The following JPH1 variants were observed in gnomAD, a reference collection of about 807,000 sequenced individuals.
JPH1 encodes junctophilin 1.
Under a neutral mutation model 53.6 loss-of-function variants are expected in JPH1, and 12 were observed. The observed-to-expected ratio is 0.22, with a 90% CI of 0.14 to 0.36. The LOEUF (loss-of-function observed/expected upper bound fraction) is 0.36, where lower values mean the gene tolerates loss of function less well. Among genes scored for constraint, JPH1 ranks in the 10% least tolerant of loss-of-function variants. The pLI is 1.00. For synonymous variants in JPH1, 375 were observed against 363.8 expected (o/e 1.03, Z -0.35); for missense variants, 808 against 905.5 (o/e 0.89, Z 1.38).
rs558363358 is a variant in JPH1 at position 74,257,112 on chromosome 8, G to C, written c.1258+2273C>G. On this transcript the variant is annotated intron_variant, in intron 3 of 5. Transcript: ENST00000342232. Reference sequence around the variant, plus strand: ...ATCAATAATACCCGCGACAGAAAAGGCTTTCTATACAGTTGCTGAAGAAAG... The same window carrying C: ...ATCAATAATACCCGCGACAGAAAAGCCTTTCTATACAGTTGCTGAAGAAAG... Among the ~76,000 whole-genome samples, 48 of 152,276 alleles carry C rather than the reference G, an allele frequency of 3.2e-4. 2 individuals are homozygous for C. In the South Asian group the frequency reaches 7.3e-3, roughly 23 times the overall value.
chr8:74,306,617 T>C, intron 2 of JPH1, among the ~76,000 whole-genome samples: 1 of 150,896 alleles, frequency 6.6e-6, no homozygotes, highest in South Asian at 2.1e-4. Context: ...TTTTTTTTTT[T>C]CTTGGAGACC....
intron 2 of JPH1, among the ~76,000 whole-genome samples, chr8:74,289,098 C>T (rs191873324): frequency 6.6e-6 from 1 of 152,180 alleles, no homozygotes; most frequent in Admixed American, 6.5e-5. Context: ...TCCAAGGAAA[C>T]ACATCTGTAC....
rs199539901 is a variant in JPH1, at chr8:74,294,681, G to A, written c.1139+20180C>T. On this transcript the variant is annotated intron_variant, in intron 2 of 5. Coordinates refer to ENST00000342232, the MANE Select transcript of JPH1 (RefSeq NM_020647.4). ...ATAAATTTCCTGAAGGATAGAGTCC[G>A]TATCTTTTTCATTTTGGTTTCTCCC... is the stretch of plus-strand genomic sequence containing the variant. 5.3e-5 allele frequency among the ~76,000 whole-genome samples: 8 copies of A among 152,176 alleles called. No individual in the cohort carries two copies. In the East Asian group the frequency reaches 9.6e-4, roughly 18 times the overall value.
chr8:74,306,351 C>A (rs1807833529), intron 2 of JPH1, among the ~76,000 whole-genome samples: 1 of 152,150 alleles, frequency 6.6e-6, no homozygotes, highest in Admixed American at 6.5e-5. Flanking sequence ...TTGATATGGA[C>A]AATCATGTCT....
intron 4 of JPH1, among the ~76,000 whole-genome samples, chr8:74,242,996 T>C (rs767247657): frequency 1.3e-5 from 2 of 152,206 alleles, no homozygotes; most frequent in African/African-American, 2.4e-5. Flanking sequence ...CACAGCCTAA[T>C]GTATAGGACG....
At chr8:74,278,323 C>T (rs1279431036) in intron 2 of JPH1, among the ~76,000 whole-genome samples, 1 of 152,188 alleles carries the variant, frequency 6.6e-6, no homozygotes, top group Non-Finnish European at 1.5e-5. Flanking sequence ...GAGGCTTCCC[C>T]AGCCATGTGG....
intron 1 of JPH1, among the ~76,000 whole-genome samples, chr8:74,317,099 T>C (rs1236750276): frequency 1.3e-5 from 2 of 152,252 alleles, no homozygotes; most frequent in Non-Finnish European, 2.9e-5. Context: ...CACATATTCA[T>C]TTTCAAAACA....
rs142292285 is a variant in JPH1 at position 74,315,302 on chromosome 8, G to A, written c.698C>T (p.Ser233Leu). 4 of 1,613,958 alleles carry A rather than the reference G, an allele frequency of 2.5e-6. No individual in the cohort carries two copies. Among genetic ancestry groups the A allele is most frequent in the Non-Finnish European group, 3.4e-6 (4 of 1,180,034 alleles). The change falls in exon 2 of 6, where the codon TCG (serine) becomes TTG (leucine). Residue 233 changes from serine (S) to leucine (L), a missense_variant. Physicochemically the swap from Ser to Leu is moderately radical, Grantham distance 145. This residue lies in a region of JPH1 where 756 missense variants were observed against 811.9 expected (regional missense o/e 0.93). Coordinates refer to ENST00000342232, the MANE Select transcript of JPH1 (RefSeq NM_020647.4). The surrounding 1 kb of genome is among the most constrained non-coding windows in gnomAD (Gnocchi z 6.3). ...LRKSESKSSI[S>L]SKRSSVRSDA... ...GCTGCGGACAGAGCTGCGCTTGCTC[G>A]AGATGGAAGACTTGGATTCGGACTT...
At chr8:74,257,132 A>G (rs1042155734) in intron 3 of JPH1, among the ~76,000 whole-genome samples, 18 of 152,240 alleles carry the variant, frequency 1.2e-4, no homozygotes, top group African/African-American at 4.3e-4. Context: ...CAGTTGCTGA[A>G]GAAAGTGCTG....
At position 74,320,120 on chromosome 8, in the gene JPH1, CCTG is replaced by C. The variant is rs1339010284; in HGVS notation, c.379+786_379+788del. Among the ~76,000 whole-genome samples, 3 of 152,166 alleles carry C rather than the reference CCTG, an allele frequency of 2.0e-5. No individual in the cohort carries two copies. The highest frequency in any genetic ancestry group is 4.8e-5 in the African/African-American group (2 of 41,444). On this transcript the variant is annotated intron_variant, in intron 1 of 5. Transcript: ENST00000342232. This position sits in a 1 kb window ranked among gnomAD's most constrained non-coding sequence, Gnocchi z 4.4. ...CTAACTTAGCAGCTATAGGAACACA[CCTG>C]CTAATTGTATTCTTTAAAATGTAGA...
chr8:74,313,981 G>A (rs1326848459), intron 2 of JPH1, among the ~76,000 whole-genome samples: 1 of 152,098 alleles, frequency 6.6e-6, no homozygotes, highest in African/African-American at 2.4e-5. Flanking sequence ...CCTGAAACCA[G>A]CTATTAATGG....
chr8:74,245,384 A>G (rs935519968), intron 3 of JPH1, among the ~76,000 whole-genome samples: 1 of 152,214 alleles, frequency 6.6e-6, no homozygotes, highest in Non-Finnish European at 1.5e-5. Context: ...GGCTTCCCTG[A>G]TAATTGCATT....
At chr8:74,267,722 A>G (rs1189398821) in intron 2 of JPH1, among the ~76,000 whole-genome samples, 1 of 152,208 alleles carries the variant, frequency 6.6e-6, no homozygotes, top group Admixed American at 6.5e-5. Context: ...AAATCTGGAT[A>G]GTAACCAGAA....
intron 2 of JPH1, among the ~76,000 whole-genome samples, chr8:74,295,650 C>T (rs918432993): frequency 2.0e-5 from 3 of 152,144 alleles, no homozygotes; most frequent in Non-Finnish European, 4.4e-5. Flanking sequence ...AAATCTCCCC[C>T]CTCAGCTCAG....
rs997218118 is a variant in JPH1 at position 74,253,428 on chromosome 8, C to G, written c.1258+5957G>C. Among the ~76,000 whole-genome samples the G allele has an allele frequency of 1.6e-4, 25 of 152,070 alleles. 1 individual carries two copies. Among genetic ancestry groups the G allele is most frequent in the African/African-American group, 5.8e-4 (24 of 41,382 alleles). On this transcript the variant is annotated intron_variant, in intron 3 of 5. Coordinates refer to ENST00000342232, the MANE Select transcript of JPH1 (RefSeq NM_020647.4). Reference sequence around the variant, plus strand: ...GGAAATTTATAGCACTAAATGCCCACAAGAGAAAGCAGGAAAGATCTAAAA... The same window carrying G: ...GGAAATTTATAGCACTAAATGCCCAGAAGAGAAAGCAGGAAAGATCTAAAA...
chr8:74,280,041 G>A (rs2131418025), intron 2 of JPH1, among the ~76,000 whole-genome samples: 1 of 152,156 alleles, frequency 6.6e-6, no homozygotes, highest in East Asian at 1.9e-4. Flanking sequence ...CAAAGGAGAG[G>A]CAAATATACC....
Position 74,320,046 on chromosome 8 carries a change from A to G in JPH1, c.379+863T>C, listed in dbSNP as rs978675834. On this transcript the variant is annotated intron_variant, in intron 1 of 5. Transcript: ENST00000342232. The surrounding 1 kb of genome is among the most constrained non-coding windows in gnomAD (Gnocchi z 4.4). ...CCAGGAATACTGGCTTAGGTCACACATAATGCAAATTATTGTTTCAGTATT... is the reference window on the plus strand; with the variant it reads ...CCAGGAATACTGGCTTAGGTCACACGTAATGCAAATTATTGTTTCAGTATT... 6.6e-6 allele frequency among the ~76,000 whole-genome samples: 1 copy of G among 152,250 alleles called. No homozygotes were observed. The highest frequency in any genetic ancestry group is 1.5e-5 in the Non-Finnish European group (1 of 68,044).
At chr8:74,311,025 A>T (rs557812233) in intron 2 of JPH1, among the ~76,000 whole-genome samples, 1 of 152,138 alleles carries the variant, frequency 6.6e-6, no homozygotes. Context: ...CTTCTCTACC[A>T]AGCCATCCTT....
At position 74,315,254 on chromosome 8, in the gene JPH1, C is replaced by A; in HGVS notation, c.746G>T (p.Ser249Ile). The A allele has an allele frequency of 6.2e-7, 1 of 1,614,220 alleles. No individual in the cohort carries two copies. Among genetic ancestry groups the A allele is most frequent in the Non-Finnish European group, 8.5e-7 (1 of 1,180,046 alleles). Residue 249 changes from serine to isoleucine, a missense_variant, in exon 2 of 6, where the codon AGT (serine) becomes ATT (isoleucine). By Grantham distance (142) the Ser-to-Ile change is moderately radical. Around this residue, in one of 2 missense-constraint regions of JPH1, gnomAD observed 756 missense variants for 811.9 expected, o/e 0.93. Transcript: ENST00000342232. The surrounding 1 kb of genome is among the most constrained non-coding windows in gnomAD (Gnocchi z 6.3). ...VRSDAAMSRI[S>I]SSDANSTISF... ...GATCGTGGAGTTGGCATCGCTGGAA[C>A]TAATTCTGCTCATGGCCGCGTCGCT... is the stretch of plus-strand genomic sequence containing the variant.
Sources: allele counts gnomAD v4.1 joint callset (sites outside exome capture counted in the v4.1 genomes callset), GRCh38; gene constraint gnomAD v4.1.1; regional missense constraint gnomAD v4.1.1; non-coding constraint Gnocchi (gnomAD v3.1); transcripts MANE v1.5; gene names NCBI Gene and HGNC (gene_info 2026-07-23, HGNC 2026-07-21).